The following RELN variants were observed in gnomAD, a reference collection of about 807,000 sequenced individuals.
RELN encodes reelin.
A neutral mutation model predicts 427.6 loss-of-function variants in RELN; 108 were observed. The ratio of observed to expected loss-of-function variants is 0.25; its 90% CI spans 0.22 to 0.30. The LOEUF is 0.30. Ranked by LOEUF, RELN falls within the 10% of genes least tolerant of loss-of-function variation. The pLI is 1.00. For synonymous variants in RELN, 1,524 were observed against 1,513.4 expected (o/e 1.01, Z -0.16); for missense variants, 3,715 against 4,302.8 (o/e 0.86, Z 3.82).
chr7:103,527,245 G>A (rs1829841894), intron 46 of RELN, among the ~76,000 whole-genome samples: 1 of 152,114 alleles, frequency 6.6e-6, no homozygotes, highest in Admixed American at 6.5e-5. Flanking sequence ...AAAGCCCTTT[G>A]AAAGGAACAT....
intron 6 of RELN, among the ~76,000 whole-genome samples, 174 bp from the exon 7 acceptor site, chr7:103,728,381 T>G (rs1338187492): frequency 6.6e-6 from 1 of 152,174 alleles, no homozygotes; most frequent in Admixed American, 6.6e-5. Context: ...CCAGAAAGAC[T>G]TGAACATAAA....
chr7:103,847,006 T>C (rs1483256547), intron 2 of RELN, among the ~76,000 whole-genome samples: 2 of 152,150 alleles, frequency 1.3e-5, no homozygotes, highest in Admixed American at 6.5e-5. Flanking sequence ...TGGAAGACAG[T>C]GTGGCGACTC....
chr7:103,700,428 T>C (rs1056804278), intron 9 of RELN, among the ~76,000 whole-genome samples: 8 of 152,118 alleles, frequency 5.3e-5, no homozygotes, highest in African/African-American at 1.9e-4. Context: ...ATTATGTTAA[T>C]AGAATTTTAG....
intron 51 of RELN, among the ~76,000 whole-genome samples, chr7:103,506,739 TG>T (rs1433684107): frequency 1.3e-5 from 2 of 152,162 alleles, no homozygotes; most frequent in Non-Finnish European, 2.9e-5. Context: ...ATGGGCTAAA[TG>T]CCCCAATTAA....
At chr7:103,939,811 C>T (rs1796071437) in intron 1 of RELN, among the ~76,000 whole-genome samples, 2 of 152,020 alleles carry the variant, frequency 1.3e-5, no homozygotes, top group South Asian at 4.2e-4. Context: ...CATTAAAAAG[C>T]TTGTTTGTGA....
intron 1 of RELN, among the ~76,000 whole-genome samples, chr7:103,986,207 A>G (rs563802477): frequency 2.6e-4 from 40 of 152,306 alleles, no homozygotes; most frequent in Middle Eastern, 3.4e-3. Flanking sequence ...GTCAGAGATA[A>G]CATAATTTAA....
At chr7:103,741,218 A>C (rs1459833524) in intron 6 of RELN, among the ~76,000 whole-genome samples, 1 of 152,204 alleles carries the variant, frequency 6.6e-6, no homozygotes, top group Admixed American at 6.5e-5. Flanking sequence ...TTTATTGGAA[A>C]TATTTCATGG....
At chr7:103,756,569 A>AGTGCCACTTAAAAGT in intron 4 of RELN, among the ~76,000 whole-genome samples, 3 of 152,178 alleles carry the variant, frequency 2.0e-5, no homozygotes, top group Admixed American at 6.5e-5. Context: ...TAGTTGTAAT[A>AGTGCCACTTAAAAGT]TATTTTATGA....
intron 20 of RELN, among the ~76,000 whole-genome samples, chr7:103,621,042 C>T (rs1356856310): frequency 1.3e-5 from 2 of 152,176 alleles, no homozygotes; most frequent in Non-Finnish European, 2.9e-5. Flanking sequence ...AGAGCATACT[C>T]AAACAGAGCC....
chr7:103,900,188 C>G (rs1173893932), intron 2 of RELN, among the ~76,000 whole-genome samples: 2 of 152,116 alleles, frequency 1.3e-5, no homozygotes, highest in Non-Finnish European at 2.9e-5. Flanking sequence ...AGTGAACTCC[C>G]ATTCACAATT....
intron 6 of RELN, among the ~76,000 whole-genome samples, chr7:103,745,756 G>A (rs546541599): frequency 0.018 from 2,729 of 150,776 alleles, 86 homozygotes; most frequent in African/African-American, 0.065. Flanking sequence ...ACTGCTCAAG[G>A]AAATAAAAGA....
At chr7:103,619,248 C>T (rs1192985178) in intron 20 of RELN, among the ~76,000 whole-genome samples, 1 of 152,166 alleles carries the variant, frequency 6.6e-6, no homozygotes, top group East Asian at 1.9e-4. Context: ...AATGTGTCCA[C>T]TGTGAGGTTC....
At chr7:103,792,098 C>A (rs1584496010) in intron 3 of RELN, among the ~76,000 whole-genome samples, 1 of 152,154 alleles carries the variant, frequency 6.6e-6, no homozygotes, top group African/African-American at 2.4e-5. Flanking sequence ...AAACTGTAAT[C>A]CTCAAATATT....
intron 3 of RELN, among the ~76,000 whole-genome samples, chr7:103,799,246 A>C (rs1253499777): frequency 1.3e-5 from 2 of 152,170 alleles, no homozygotes; most frequent in Non-Finnish European, 1.5e-5. Context: ...ACACACAGGA[A>C]ATCACACAGC....
Position 103,539,165 on chromosome 7 carries a change from C to T in RELN, c.7093G>A (p.Val2365Met), listed in dbSNP as rs756299161. 2.6e-5 allele frequency: 42 copies of T among 1,614,122 alleles called. No homozygotes were observed. In the Middle Eastern group the frequency reaches 6.6e-4, roughly 25 times the overall value. ...VFIEKASTRY[V>M]VSTDVAVNED... ...TTCACGGCAACGTCTGTGCTGACCACGTAACGGGTGCTGGCCTTTTCAATG... is the reference window on the plus strand; with the variant it reads ...TTCACGGCAACGTCTGTGCTGACCATGTAACGGGTGCTGGCCTTTTCAATG... Residue 2365 changes from valine to methionine, a missense_variant, in exon 45 of 65, where the codon GTG becomes ATG. Around this residue, in one of 4 missense-constraint regions of RELN, gnomAD observed 1,310 missense variants for 1,643.0 expected, o/e 0.80. Coordinates refer to ENST00000428762, the MANE Select transcript of RELN (RefSeq NM_005045.4).
intron 4 of RELN, among the ~76,000 whole-genome samples, chr7:103,763,782 A>T (rs1327014838): frequency 6.6e-6 from 1 of 152,012 alleles, no homozygotes; most frequent in African/African-American, 2.4e-5. Context: ...AGAGAGAGAG[A>T]GGTGGGACAG....
rs1015682758 is a variant in RELN, at chr7:103,805,509, T to C, written c.473+28028A>G. Among the ~76,000 whole-genome samples, 6 of 152,306 alleles carry C rather than the reference T, an allele frequency of 3.9e-5. No homozygotes were observed. In the Middle Eastern group the frequency reaches 0.01, roughly 259 times the overall value. On this transcript the variant is annotated intron_variant, in intron 3 of 64. Transcript: ENST00000428762. ...CAATGTTCTAGTCCTCTGGTCTAAA[T>C]ACTTAAAACAACATGCCAAAGTGTG...
At chr7:103,560,598 G>A (rs1432004173) in intron 36 of RELN, among the ~76,000 whole-genome samples, 1 of 152,126 alleles carries the variant, frequency 6.6e-6, no homozygotes, top group African/African-American at 2.4e-5. Flanking sequence ...GTGAGCTAAT[G>A]GTAATGAGAA....
chr7:103,835,199 G>A (rs539378132), intron 2 of RELN, among the ~76,000 whole-genome samples: 10 of 152,296 alleles, frequency 6.6e-5, no homozygotes, highest in South Asian at 2.1e-4. Context: ...AATCTGAAAA[G>A]GCTACATAGT....
Sources: gnomAD v4.1 joint callset for allele counts (sites outside exome capture counted in the v4.1 genomes callset) on GRCh38, gnomAD v4.1.1 for gene constraint, gnomAD v4.1.1 regional missense constraint, MANE v1.5 for transcripts, NCBI Gene and HGNC (gene_info 2026-07-23, HGNC 2026-07-21) for gene names.